Variants in SLC35F4 observed in about 807,000 individuals in gnomAD.
SLC35F4 encodes solute carrier family 35 member F4, also known as chromosome 14 open reading frame 36.
A neutral mutation model predicts 44.2 loss-of-function variants in SLC35F4; 24 were observed. The observed-to-expected ratio is 0.54, with a 90% CI of 0.39 to 0.76. SLC35F4 has a LOEUF of 0.76. Among genes scored for constraint, SLC35F4 ranks in the 30% least tolerant of loss-of-function variants. The probability of loss-of-function intolerance (pLI) is 0.00; values close to 1 mark genes in which losing one functional copy is unlikely to be tolerated. For missense variants in SLC35F4, 562 were observed against 586.1 expected (o/e 0.96, Z 0.42); for synonymous variants, 238 against 223.6 (o/e 1.06, Z -0.57).
intron 1 of SLC35F4, among the ~76,000 whole-genome samples, chr14:57,968,475 G>A (rs1803076752): frequency 6.6e-6 from 1 of 152,160 alleles, no homozygotes; most frequent in Non-Finnish European, 1.5e-5. Flanking sequence ...TCATTTAAAT[G>A]GTTGTTAATA....
chr14:57,640,104 G>A (rs112311133), intron 1 of SLC35F4, among the ~76,000 whole-genome samples: 2,412 of 151,960 alleles, frequency 0.016, 61 homozygotes, highest in African/African-American at 0.055. Context: ...ATCTAGAAAG[G>A]CAGGCACAAG....
intron 3 of SLC35F4, among the ~76,000 whole-genome samples, chr14:57,582,203 ATTTT>A: frequency 6.6e-6 from 1 of 150,410 alleles, no homozygotes; most frequent in African/African-American, 2.4e-5. Context: ...CCTAAACATG[ATTTT>A]TTTTTTCCCC....
At chr14:57,645,755 A>G (rs7151824) in intron 1 of SLC35F4, among the ~76,000 whole-genome samples, 88,037 of 150,672 alleles carry the variant, frequency 0.58, 27,461 homozygotes, top group Non-Finnish European at 0.67. Context: ...TATTGGCTGT[A>G]GGCTTGTCAT....
intron 6 of SLC35F4, 65 bp from the exon 7 acceptor site, chr14:57,566,629 T>C (rs2068221498): frequency 3.4e-6 from 5 of 1,450,624 alleles, no homozygotes; most frequent in Non-Finnish European, 4.7e-6. Flanking sequence ...TTTCTCCTTA[T>C]AGTAAATGAA....
At chr14:57,692,490 G>A (rs1384729477) in intron 1 of SLC35F4, among the ~76,000 whole-genome samples, 1 of 151,960 alleles carries the variant, frequency 6.6e-6, no homozygotes, top group African/African-American at 2.4e-5. Context: ...GTCAATAATT[G>A]ATTTTAGTTC....
intron 1 of SLC35F4, among the ~76,000 whole-genome samples, chr14:57,788,994 T>C (rs1453353990): frequency 1.3e-5 from 2 of 152,212 alleles, no homozygotes; most frequent in Non-Finnish European, 2.9e-5. Context: ...CCAGAATCTC[T>C]GGGACACAGC....
chr14:57,901,401 C>A (rs1283971767), intron 1 of SLC35F4, among the ~76,000 whole-genome samples: 1 of 152,106 alleles, frequency 6.6e-6, no homozygotes, highest in African/African-American at 2.4e-5. Context: ...GCCGTTATTG[C>A]CAGCAAACTA....
chr14:57,969,092 C>A (rs1387675062), intron 1 of SLC35F4, among the ~76,000 whole-genome samples: 1 of 152,164 alleles, frequency 6.6e-6, no homozygotes, highest in Non-Finnish European at 1.5e-5. Context: ...AGAGACTAAG[C>A]CCACAAAGGT....
intron 1 of SLC35F4, among the ~76,000 whole-genome samples, chr14:57,966,853 T>C (rs1880879088): frequency 3.3e-5 from 5 of 151,960 alleles, no homozygotes. Context: ...CTACTAAAAA[T>C]ACAAAAATCA....
downstream of SLC35F4, among the ~76,000 whole-genome samples, chr14:57,975,243 T>TTCCCCTCC (rs1286731331): frequency 2.6e-5 from 4 of 152,190 alleles, no homozygotes; most frequent in Non-Finnish European, 4.4e-5. Context: ...AACAGGTGGC[T>TTCCCCTCC]TCCCCTCCAC....
At chr14:57,746,990 G>C (rs1309188659) in intron 1 of SLC35F4, among the ~76,000 whole-genome samples, 1 of 152,148 alleles carries the variant, frequency 6.6e-6, no homozygotes, top group African/African-American at 2.4e-5. Context: ...GAAATCCTAA[G>C]CACAGAAGTT....
intron 1 of SLC35F4, among the ~76,000 whole-genome samples, chr14:57,606,805 T>A (rs1298626809): frequency 6.6e-6 from 1 of 152,204 alleles, no homozygotes; most frequent in Non-Finnish European, 1.5e-5. Context: ...GATTGGTAGA[T>A]TTGACAACGC....
At chr14:57,797,768 A>G (rs1331817355) in intron 1 of SLC35F4, among the ~76,000 whole-genome samples, 1 of 152,158 alleles carries the variant, frequency 6.6e-6, no homozygotes, top group Non-Finnish European at 1.5e-5. Context: ...GATAAGTAGA[A>G]TTCTTGCTCT....
intron 1 of SLC35F4, among the ~76,000 whole-genome samples, chr14:57,854,110 T>C (rs1163352347): frequency 2.0e-5 from 3 of 152,132 alleles, no homozygotes; most frequent in African/African-American, 7.2e-5. Context: ...CCTGAAATGT[T>C]AGGTGGGAAA....
chr14:57,636,492 T>C (rs2073024219), intron 1 of SLC35F4, among the ~76,000 whole-genome samples: 1 of 152,134 alleles, frequency 6.6e-6, no homozygotes. Flanking sequence ...CAGTTACTAT[T>C]ATCTTTACTT....
intron 1 of SLC35F4, among the ~76,000 whole-genome samples, chr14:57,857,718 C>G (rs984922384): frequency 3.9e-5 from 6 of 152,008 alleles, no homozygotes; most frequent in African/African-American, 1.5e-4. Context: ...GGTGAATACA[C>G]AGCATTACAG....
chr14:57,694,675 A>T (rs889504465), intron 1 of SLC35F4, among the ~76,000 whole-genome samples: 16 of 152,292 alleles, frequency 1.1e-4, no homozygotes, highest in Non-Finnish European at 2.2e-4. Flanking sequence ...TGAACATAGC[A>T]TATCTCTCCA....
intron 1 of SLC35F4, chr14:57,981,813 TAA>T (rs1881391193): frequency 6.6e-6 from 1 of 151,544 alleles, no homozygotes; most frequent in Non-Finnish European, 1.5e-5. Flanking sequence ...ATATGCCATT[TAA>T]GAGAGACAAA....
intron 1 of SLC35F4, among the ~76,000 whole-genome samples, chr14:57,815,192 T>C (rs1017604149): frequency 1.3e-5 from 2 of 152,218 alleles, no homozygotes; most frequent in African/African-American, 4.8e-5. Context: ...AAGTCACGGA[T>C]ACCAACATCT....
Sources: gnomAD v4.1 joint callset for allele counts (sites outside exome capture counted in the v4.1 genomes callset) on GRCh38, gnomAD v4.1.1 for gene constraint, MANE v1.5 for transcripts, NCBI Gene and HGNC (gene_info 2026-07-23, HGNC 2026-07-21) for gene names.